COPA: variants seen among roughly 807,000 people sequenced by gnomAD.
COPA encodes the protein coatomer subunit alpha.
Under a neutral mutation model 158.7 loss-of-function variants are expected in COPA, and 10 were observed. That is an observed-to-expected ratio of 0.06 (90% CI 0.04 to 0.11). The LOEUF (loss-of-function observed/expected upper bound fraction) is 0.11, where lower values mean the gene tolerates loss of function less well. Ranked by LOEUF, COPA falls within the 10% of genes least tolerant of loss-of-function variation. The probability of loss-of-function intolerance (pLI) is 1.00; values close to 1 mark genes in which losing one functional copy is unlikely to be tolerated. For missense variants in COPA, 1,065 were observed against 1,536.7 expected (o/e 0.69, Z 5.13); for synonymous variants, 462 against 542.8 (o/e 0.85, Z 2.07).
Position 160,302,549 on chromosome 1 carries a change from C to CTT in COPA, c.1667+2882_1667+2883dup, listed in dbSNP as rs35112618. On this transcript the variant is annotated intron_variant, in intron 17 of 32. Coordinates refer to ENST00000241704, the MANE Select transcript of COPA (RefSeq NM_004371.4). Reference sequence around the variant, plus strand: ...TTTTTGTGTGGAATTTCACAAGTTACTTTTTTTTTTTTTTTTTTTTTTTGA... The same window carrying CTT: ...TTTTTGTGTGGAATTTCACAAGTTACTTTTTTTTTTTTTTTTTTTTTTTTTGA... Among the ~76,000 whole-genome samples, 489 of 91,624 alleles carry CTT rather than the reference C, an allele frequency of 5.3e-3. 1 individual carries two copies. The highest frequency in any genetic ancestry group is 6.0e-3 in the African/African-American group (140 of 23,508). 60.1% of individuals were successfully genotyped at this position (91,624 alleles called of 152,430 possible). A position where few individuals can be genotyped will look rare whatever the true frequency, so the allele number is the denominator to read the frequency against.
intron 3 of COPA, 27 bp from the exon 4 acceptor site, chr1:160,335,349 C>T: frequency 6.3e-7 from 1 of 1,592,684 alleles, no homozygotes; most frequent in Non-Finnish European, 8.6e-7. Flanking sequence ...AACTAAGAAA[C>T]AGAAATAGTT....
intron 15 of COPA, 114 bp downstream of exon 15, chr1:160,306,240 A>G (rs1208229122): frequency 4.1e-6 from 5 of 1,221,086 alleles, no homozygotes; most frequent in Non-Finnish European, 5.7e-6. Context: ...GTCTTGGAGC[A>G]CAAGAAGTGG....
chr1:160,314,136 A>G lies in COPA; in HGVS notation c.707-11T>C. The G allele has an allele frequency of 3.1e-6, 5 of 1,609,314 alleles. No individual in the cohort carries two copies. Among genetic ancestry groups the G allele is most frequent in the Non-Finnish European group, 4.2e-6 (5 of 1,178,172 alleles). ...CCCATGCCTTTGATTCTGAAGGACA[A>G]AAAGAATTAGGTCATCACAATTCCC... is the stretch of plus-strand genomic sequence containing the variant. On this transcript the variant is annotated splice_polypyrimidine_tract_variant and intron_variant, in intron 8 of 32. Coordinates refer to ENST00000241704, the MANE Select transcript of COPA (RefSeq NM_004371.4).
chr1:160,308,336 G>C (rs1293152000), intron 13 of COPA, among the ~76,000 whole-genome samples: 1 of 151,948 alleles, frequency 6.6e-6, no homozygotes, highest in Non-Finnish European at 1.5e-5. Flanking sequence ...AAAGAGAGGA[G>C]ATCGATTAGC....
chr1:160,295,609 A>T, intron 23 of COPA, 127 bp downstream of exon 23: 1 of 976,404 alleles, frequency 1.0e-6, no homozygotes, highest in Non-Finnish European at 1.4e-6. Context: ...AATGACTGGC[A>T]TTTCAATATT....
chr1:160,308,865 G>A lies in COPA; in HGVS notation c.1219+236C>T, dbSNP rs142609773. ...ATGCTGTGCTGAAAGAGAGAATGGA[G>A]AGTTTCTAATAACCAAATTATAAAA... On this transcript the variant is annotated intron_variant, in intron 13 of 32. Coordinates refer to ENST00000241704, the MANE Select transcript of COPA (RefSeq NM_004371.4). The A allele has an allele frequency of 4.2e-4, 191 of 455,466 alleles. 2 individuals are homozygous for A. The Middle Eastern group carries it at 4.7e-3, about 11-fold the overall frequency. 28.2% of individuals were successfully genotyped at this position (455,466 alleles called of 1,614,324 possible).
At chr1:160,324,555 C>T (rs1190925863) in intron 7 of COPA, among the ~76,000 whole-genome samples, 2 of 151,372 alleles carry the variant, frequency 1.3e-5, no homozygotes, top group Admixed American at 6.6e-5. Context: ...GCCTCGGTCT[C>T]CCAAAGTGCT....
chr1:160,329,129 G>A (rs1647391048), intron 6 of COPA, among the ~76,000 whole-genome samples: 1 of 152,164 alleles, frequency 6.6e-6, no homozygotes, highest in Non-Finnish European at 1.5e-5. Flanking sequence ...AGAATATGCT[G>A]ATTTCTAGAG....
intron 8 of COPA, chr1:160,317,569 G>A (rs1184587236): frequency 1.2e-5 from 19 of 1,598,786 alleles, no homozygotes; most frequent in African/African-American, 2.7e-5. Context: ...AAGACAGGGC[G>A]TTCCAATGAA....
intron 6 of COPA, among the ~76,000 whole-genome samples, chr1:160,328,209 T>C (rs1647348690): frequency 6.6e-6 from 1 of 152,218 alleles, no homozygotes. Flanking sequence ...TGTCAACTTT[T>C]TCTAACGAGT....
At chr1:160,317,253 GA>G in intron 8 of COPA, 1 of 721,692 alleles carries the variant, frequency 1.4e-6, no homozygotes. Flanking sequence ...CGATCTGAAA[GA>G]AAAAAACACT....
chr1:160,327,275 G>T (rs1019301534), intron 6 of COPA, among the ~76,000 whole-genome samples: 28 of 151,560 alleles, frequency 1.8e-4, no homozygotes, highest in African/African-American at 6.5e-4. Context: ...AGTGGCTCAC[G>T]CCTGTAATCC....
At chr1:160,342,343 G>A (rs60130110) in intron 1 of COPA, among the ~76,000 whole-genome samples, 5,007 of 152,108 alleles carry the variant, frequency 0.033, 273 homozygotes, top group African/African-American at 0.11. Flanking sequence ...GGTCTTCGGA[G>A]ACCTTACTTC....
intron 3 of COPA, among the ~76,000 whole-genome samples, chr1:160,338,691 G>C (rs982736699): frequency 6.6e-6 from 1 of 152,064 alleles, no homozygotes; most frequent in Non-Finnish European, 1.5e-5. Flanking sequence ...TCTCAATCTT[G>C]ATCTTATTCT....
At chr1:160,333,112 C>T (rs1359842409) in intron 5 of COPA, among the ~76,000 whole-genome samples, 2 of 152,162 alleles carry the variant, frequency 1.3e-5, no homozygotes, top group East Asian at 3.9e-4. Context: ...TTAGTAGAGA[C>T]GGGGTTTCAC....
At chr1:160,313,554 A>G (rs1284538289) in intron 9 of COPA, among the ~76,000 whole-genome samples, 1 of 152,030 alleles carries the variant, frequency 6.6e-6, no homozygotes, top group East Asian at 1.9e-4. Flanking sequence ...AGCTGGGACT[A>G]CAGGCGCCCG....
intron 31 of COPA, 83 bp downstream of exon 31, chr1:160,291,252 T>C: frequency 6.8e-7 from 1 of 1,462,786 alleles, no homozygotes; most frequent in Non-Finnish European, 9.3e-7. Context: ...ATTGCTTTGT[T>C]TCAGAGGCAA....
intron 5 of COPA, 89 bp from the exon 6 acceptor site, chr1:160,332,646 CT>C: frequency 1.1e-6 from 1 of 874,310 alleles, no homozygotes; most frequent in Non-Finnish European, 1.7e-6. Flanking sequence ...TCAATAAATG[CT>C]TATCCAGTTT....
chr1:160,318,478 AAAAAAAAAAAAAAC>A (rs1296658116), intron 8 of COPA, among the ~76,000 whole-genome samples: 92 of 75,982 alleles, frequency 1.2e-3, no homozygotes, highest in African/African-American at 2.5e-3. Context: ...TAAAAAAAAA[AAAAAAAAAAAAAAC>A]AAAAAAAAAA....
Sources: allele counts gnomAD v4.1 joint callset (sites outside exome capture counted in the v4.1 genomes callset), GRCh38; gene constraint gnomAD v4.1.1; transcripts MANE v1.5; gene names NCBI Gene and HGNC (gene_info 2026-07-23, HGNC 2026-07-21).